The following PARVG variants were observed in gnomAD, a reference collection of about 807,000 sequenced individuals.
PARVG encodes gamma-parvin.
In PARVG, 36 loss-of-function variants were observed where a neutral mutation model predicts 44.4. That is an observed-to-expected ratio of 0.81 (90% CI 0.62 to 1.07). The LOEUF (loss-of-function observed/expected upper bound fraction) is 1.07. Among genes scored for constraint, PARVG ranks in the 50% least tolerant of loss-of-function variants. The pLI is 0.00. For synonymous variants in PARVG, 170 were observed against 174.1 expected (o/e 0.98, Z 0.19); for missense variants, 407 against 407.4 (o/e 1.00, Z 0.01).
At chr22:44,177,556 G>T (rs1270839838), upstream of PARVG, among the ~76,000 whole-genome samples, 3 of 152,010 alleles carry the variant, frequency 2.0e-5, no homozygotes, top group Non-Finnish European at 4.4e-5. Flanking sequence ...ATTCTTTGGA[G>T]AATCCAAGCC....
chr22:44,173,877 C>T (rs909138214), intron 1 of PARVG, among the ~76,000 whole-genome samples: 3 of 152,150 alleles, frequency 2.0e-5, no homozygotes, highest in Non-Finnish European at 4.4e-5. Context: ...AAAGAATCAC[C>T]GGGCCCCCCT....
chr22:44,181,130 AC>A lies in PARVG; in HGVS notation c.-242del. ...CTTCCCGATCCCCTTGGCAACAACC[AC>A]CACCAATATTTATTCACTGAGCCCA... On this transcript the variant is annotated 5_prime_UTR_variant, in exon 1 of 14. The change abolishes the stop of an existing upstream ORF in the 5' untranslated region. Coordinates refer to ENST00000444313, the MANE Select transcript of PARVG (RefSeq NM_022141.7). The A allele has an allele frequency of 4.5e-6, 2 of 440,884 alleles. No homozygotes were observed. The highest frequency in any genetic ancestry group is 6.0e-6 in the Non-Finnish European group (2 of 332,032). The allele number at this position is 440,884 out of a possible 1,614,324, so 27.3% of individuals were successfully genotyped here. A position where few individuals can be genotyped will look rare whatever the true frequency, so the allele number is the denominator to read the frequency against.
intron 7 of PARVG, among the ~76,000 whole-genome samples, chr22:44,191,606 C>T (rs2054550063): frequency 6.6e-6 from 1 of 151,822 alleles, no homozygotes; most frequent in South Asian, 2.1e-4. Context: ...ACCGTGTTGC[C>T]CAGGCTGGTC....
At chr22:44,206,236 C>A in intron 13 of PARVG, 81 bp from the exon 14 acceptor site, 1 of 1,023,380 alleles carries the variant, frequency 9.8e-7, no homozygotes, top group Non-Finnish European at 1.5e-6. Flanking sequence ...TCCTGAATGC[C>A]AGGAAACCTT....
chr22:44,179,093 A>G (rs878406), upstream of PARVG, among the ~76,000 whole-genome samples: 2 of 151,578 alleles, frequency 1.3e-5, no homozygotes, highest in African/African-American at 2.4e-5. This position sits in a 1 kb window ranked among gnomAD's most constrained non-coding sequence, Gnocchi z 4.2. Flanking sequence ...AGTGTTTGGC[A>G]TATTTGCACA....
At chr22:44,175,849 C>T (rs2054314123) in intron 1 of PARVG, among the ~76,000 whole-genome samples, 1 of 152,132 alleles carries the variant, frequency 6.6e-6, no homozygotes, top group South Asian at 2.1e-4. Context: ...GTCTCTGACA[C>T]CAGGGAAATG....
rs1372801027 is a variant in PARVG, at chr22:44,206,610, C to A, written c.*184C>A. The A allele has an allele frequency of 1.6e-6, 1 of 612,242 alleles. No homozygotes were observed. Among genetic ancestry groups the A allele is most frequent in the Admixed American group, 2.9e-5 (1 of 34,190 alleles). 37.9% of individuals were successfully genotyped at this position (612,242 alleles called of 1,614,324 possible). Reference sequence around the variant, plus strand: ...CCCTTGTGTGGATCATTTTGAGCCGCCTGGCCTTGCTCAGTTTATTTTAAT... The same window carrying A: ...CCCTTGTGTGGATCATTTTGAGCCGACTGGCCTTGCTCAGTTTATTTTAAT... On this transcript the variant is annotated 3_prime_UTR_variant, in exon 14 of 14. Coordinates refer to ENST00000444313, the MANE Select transcript of PARVG (RefSeq NM_022141.7).
chr22:44,199,948 C>T lies in PARVG; in HGVS notation c.813+1226C>T, dbSNP rs1229278149. Among the ~76,000 whole-genome samples the T allele has an allele frequency of 5.9e-5, 9 of 152,216 alleles. No individual in the cohort carries two copies. The East Asian group carries it at 1.7e-3, about 29-fold the overall frequency. On this transcript the variant is annotated intron_variant, in intron 12 of 13. Transcript: ENST00000444313. ...TGGGAGCTGGCTGCCTGCTTCCAGG[C>T]ATGAGGGCTGTGGCTTGACCTGGGG...
At chr22:44,201,182 C>T (rs2054702772) in intron 12 of PARVG, among the ~76,000 whole-genome samples, 1 of 152,216 alleles carries the variant, frequency 6.6e-6, no homozygotes, top group African/African-American at 2.4e-5. Flanking sequence ...AGCTCCTCTG[C>T]AGTCCCTCGG....
intron 9 of PARVG, among the ~76,000 whole-genome samples, chr22:44,195,232 G>A (rs551130356): frequency 6.6e-6 from 1 of 152,204 alleles, no homozygotes; most frequent in East Asian, 1.9e-4. Context: ...TTTGGGCAGG[G>A]GGCAGCATGA....
upstream of PARVG, among the ~76,000 whole-genome samples, chr22:44,180,733 C>G (rs1421660365): frequency 1.3e-5 from 2 of 152,176 alleles, no homozygotes; most frequent in African/African-American, 2.4e-5. Context: ...AGCAACAATA[C>G]CAGTACTAAG....
intron 1 of PARVG, among the ~76,000 whole-genome samples, chr22:44,173,412 T>C (rs887435269): frequency 6.6e-6 from 1 of 152,134 alleles, no homozygotes; most frequent in African/African-American, 2.4e-5. Context: ...CCCTCCGTGC[T>C]GGCCCTGCCA....
Position 44,183,357 on chromosome 22 carries a change from C to T in PARVG, c.28C>T (p.Leu10=), listed in dbSNP as rs1352889427. 6.2e-7 allele frequency: 1 copy of T among 1,610,462 alleles called. No individual in the cohort carries two copies. Among genetic ancestry groups the T allele is most frequent in the South Asian group, 1.1e-5 (1 of 90,024 alleles). Reference sequence around the variant, plus strand: ...GGAGCCGGAGTTCTTGTACGACCTGCTGCAGCTCCCCAAGGGGGTGGAGCC... The same window carrying T: ...GGAGCCGGAGTTCTTGTACGACCTGTTGCAGCTCCCCAAGGGGGTGGAGCC... The part of the protein sequence containing the change: MEPEFLYDL[L]QLPKGVEPPA... Residue 10 remains leucine, a synonymous_variant, in exon 3 of 14, where the codon CTG becomes TTG. Coordinates refer to ENST00000444313, the MANE Select transcript of PARVG (RefSeq NM_022141.7).
At chr22:44,178,020 A>C (rs924647909), upstream of PARVG, among the ~76,000 whole-genome samples, 9 of 152,160 alleles carry the variant, frequency 5.9e-5, no homozygotes, top group Non-Finnish European at 1.3e-4. Flanking sequence ...TCCACAAAAC[A>C]CAGGAAACAG....
Position 44,206,522 on chromosome 22 carries a change from C to A in PARVG, c.*96C>A. On this transcript the variant is annotated 3_prime_UTR_variant, in exon 14 of 14. Coordinates refer to ENST00000444313, the MANE Select transcript of PARVG (RefSeq NM_022141.7). ...TCCCACAGTCCCGCTGTTTCCTGTGCATTCGTGACCCGCTTCCCTCCCACC... is the reference window on the plus strand; with the variant it reads ...TCCCACAGTCCCGCTGTTTCCTGTGAATTCGTGACCCGCTTCCCTCCCACC... 9.4e-7 allele frequency: 1 copy of A among 1,059,052 alleles called. No individual in the cohort carries two copies. Among genetic ancestry groups the A allele is most frequent in the Non-Finnish European group, 1.4e-6 (1 of 690,702 alleles). 65.6% of individuals were successfully genotyped at this position (1,059,052 alleles called of 1,614,324 possible). A position where few individuals can be genotyped will look rare whatever the true frequency, so the allele number is the denominator to read the frequency against.
chr22:44,195,641 C>T (rs749642713), intron 9 of PARVG, among the ~76,000 whole-genome samples: 17 of 152,060 alleles, frequency 1.1e-4, no homozygotes, highest in Non-Finnish European at 2.2e-4. Context: ...CTCTTGGGGG[C>T]GGGGGGAGGC....
At chr22:44,186,068 A>C in intron 4 of PARVG, 196 bp downstream of exon 4, 1 of 440,044 alleles carries the variant, frequency 2.3e-6, no homozygotes, top group Non-Finnish European at 4.3e-6. Flanking sequence ...ACATCTATTG[A>C]GCACCAACTG....
chr22:44,190,171 A>C (rs1203496070), intron 6 of PARVG, among the ~76,000 whole-genome samples: 1 of 152,234 alleles, frequency 6.6e-6, no homozygotes, highest in Non-Finnish European at 1.5e-5. Flanking sequence ...AGGTCTCACA[A>C]TCAGTAATTG....
chr22:44,200,868 C>T (rs1331704906), intron 12 of PARVG, among the ~76,000 whole-genome samples: 1 of 152,052 alleles, frequency 6.6e-6, no homozygotes, highest in Non-Finnish European at 1.5e-5. Flanking sequence ...CTAGGCCCTT[C>T]TTCTAGGCCG....
Sources: gnomAD v4.1 joint callset for allele counts (sites outside exome capture counted in the v4.1 genomes callset) on GRCh38, gnomAD v4.1.1 for gene constraint, Gnocchi (gnomAD v3.1) non-coding constraint, MANE v1.5 for transcripts, NCBI Gene and HGNC (gene_info 2026-07-23, HGNC 2026-07-21) for gene names.